Variants in TICRR observed in about 807,000 individuals in gnomAD.
TICRR encodes treslin.
In TICRR, 132 loss-of-function variants were observed where a neutral mutation model predicts 178.1. The observed-to-expected ratio is 0.74, with a 90% CI of 0.64 to 0.86. The LOEUF (loss-of-function observed/expected upper bound fraction) is 0.86, where lower values mean the gene tolerates loss of function less well. Among genes scored for constraint, TICRR ranks in the 40% least tolerant of loss-of-function variants. The probability of loss-of-function intolerance (pLI) is 0.00; values close to 1 mark genes in which losing one functional copy is unlikely to be tolerated. For synonymous variants in TICRR, 991 were observed against 900.7 expected (o/e 1.10, Z -1.79); for missense variants, 2,587 against 2,334.3 (o/e 1.11, Z -2.23).
At chr15:89,593,549 C>T (rs759868252) in intron 5 of TICRR, among the ~76,000 whole-genome samples, 8 of 152,016 alleles carry the variant, frequency 5.3e-5, no homozygotes, top group Non-Finnish European at 1.0e-4. Flanking sequence ...ACTAAAAATA[C>T]AAAAAAATTA....
In TICRR at chr15:89,579,584, G is replaced by T. The variant is rs1962686663; in HGVS notation, c.655-3102G>T. Among the ~76,000 whole-genome samples the T allele has an allele frequency of 2.0e-5, 3 of 152,082 alleles. 1 individual carries two copies. The South Asian group carries it at 6.2e-4, about 32-fold the overall frequency. ...TCGTCTCGAACTCCTGGCCTCAAGTGATCCACCCACCTCGGCCTCCCAAAG... is the reference window on the plus strand; with the variant it reads ...TCGTCTCGAACTCCTGGCCTCAAGTTATCCACCCACCTCGGCCTCCCAAAG... On this transcript the variant is annotated intron_variant, in intron 1 of 21. Transcript: ENST00000268138.
intron 1 of TICRR, among the ~76,000 whole-genome samples, chr15:89,577,599 CTTTTTTTTTTTTTTTTT>C (rs71151513): frequency 1.6e-5 from 1 of 60,874 alleles, no homozygotes; most frequent in East Asian, 6.8e-4. Context: ...GAGGGAAGGC[CTTTTTTTTTTTTTTTTT>C]TTTTTTTTTT....
At chr15:89,603,891 A>G (rs781073850) in intron 13 of TICRR, among the ~76,000 whole-genome samples, 6 of 152,236 alleles carry the variant, frequency 3.9e-5, no homozygotes, top group Non-Finnish European at 7.3e-5. Context: ...CTCTCAAAAT[A>G]TCTTATTGTA....
At chr15:89,586,242 C>G (rs931724830) in intron 4 of TICRR, among the ~76,000 whole-genome samples, 7 of 152,136 alleles carry the variant, frequency 4.6e-5, no homozygotes, top group Admixed American at 2.6e-4. Flanking sequence ...ATTGTTACTA[C>G]TAGCATTGCA....
intron 13 of TICRR, among the ~76,000 whole-genome samples, chr15:89,603,872 G>A (rs571193293): frequency 6.6e-6 from 1 of 152,304 alleles, no homozygotes; most frequent in Non-Finnish European, 1.5e-5. Context: ...TTATGTGAAT[G>A]TGGTCTTCCT....
At chr15:89,583,265 C>T (rs944797418) in intron 2 of TICRR, among the ~76,000 whole-genome samples, 7 of 152,140 alleles carry the variant, frequency 4.6e-5, no homozygotes, top group Non-Finnish European at 7.3e-5. Context: ...CATGGGTATA[C>T]GATTTCATTG....
intron 15 of TICRR, among the ~76,000 whole-genome samples, chr15:89,613,259 C>T (rs1963280988): frequency 6.6e-6 from 1 of 152,214 alleles, no homozygotes. Context: ...TGTCATCACA[C>T]TGCCTTTTGT....
chr15:89,605,106 A>G (rs1227598005), intron 13 of TICRR, among the ~76,000 whole-genome samples: 1 of 152,148 alleles, frequency 6.6e-6, no homozygotes, highest in Non-Finnish European at 1.5e-5. Context: ...TTTTTCATTC[A>G]ATTACATGGA....
chr15:89,625,776 G>GT lies in TICRR; in HGVS notation c.5469dup (p.Val1824CysfsTer46), dbSNP rs1340503895. On this transcript the variant is annotated frameshift_variant, in exon 20 of 22. Coordinates refer to ENST00000268138, the MANE Select transcript of TICRR (RefSeq NM_152259.4). LOFTEE classifies it high-confidence loss of function. ...TACCCTCCACGGGAGACGAAGAGGTGTTTGTTTCCGGTGAGTTCGTTTTTG... is the reference window on the plus strand; with the variant it reads ...TACCCTCCACGGGAGACGAAGAGGTGTTTTGTTTCCGGTGAGTTCGTTTTTG... 6.2e-7 allele frequency: 1 copy of GT among 1,601,450 alleles called. No individual in the cohort carries two copies.
chr15:89,615,662 C>T (rs963320476), intron 15 of TICRR, among the ~76,000 whole-genome samples: 3 of 152,146 alleles, frequency 2.0e-5, no homozygotes, highest in Non-Finnish European at 4.4e-5. Context: ...ATTTTAAGCT[C>T]ACTTTAAATC....
intron 4 of TICRR, among the ~76,000 whole-genome samples, chr15:89,586,185 G>T (rs1567041061): frequency 6.6e-6 from 1 of 152,090 alleles, no homozygotes; most frequent in Non-Finnish European, 1.5e-5. Context: ...ATATATTTAA[G>T]AAATACTGCA....
chr15:89,595,126 T>G (rs1053056679), intron 6 of TICRR, among the ~76,000 whole-genome samples: 1 of 152,210 alleles, frequency 6.6e-6, no homozygotes, highest in Non-Finnish European at 1.5e-5. Context: ...GTTTGGCATT[T>G]GCCTTATGGG....
rs754495438 is a variant in TICRR at position 89,576,253 on chromosome 15, A to G, written c.654+13A>G. ...CGAATGGTCTAAGGTAAGGAAGGTT[A>G]CTGTCGTCTCAGATGGCGTGCACGG... On this transcript the variant is annotated intron_variant, in intron 1 of 21. Coordinates refer to ENST00000268138, the MANE Select transcript of TICRR (RefSeq NM_152259.4). 3.9e-6 allele frequency: 6 copies of G among 1,531,442 alleles called. No homozygotes were observed. The East Asian group carries it at 6.8e-5, about 17-fold the overall frequency. 94.9% of individuals were successfully genotyped at this position (1,531,442 alleles called of 1,614,324 possible).
In TICRR at chr15:89,624,097, A is replaced by G. The variant is rs988567981; in HGVS notation, c.3787A>G (p.Asn1263Asp). The G allele has an allele frequency of 3.7e-6, 6 of 1,613,870 alleles. No homozygotes were observed. Among genetic ancestry groups the G allele is most frequent in the African/African-American group, 1.3e-5 (1 of 74,944 alleles). ...AGCAGCCTTCATGGGCACGCCTCAG[A>G]ATCAAACACACCAACAGCCCCATGT... ...RAAAFMGTPQ[N>D]QTHQQPHVLR... Residue 1263 changes from asparagine to aspartate, a missense_variant, in exon 20 of 22, where the codon AAT (asparagine) becomes GAT (aspartate). Transcript: ENST00000268138.
At chr15:89,590,198 T>C in intron 4 of TICRR, among the ~76,000 whole-genome samples, 1 of 151,734 alleles carries the variant, frequency 6.6e-6, no homozygotes, top group East Asian at 1.9e-4. Flanking sequence ...AGGAGAAGAA[T>C]ACGGGTTGAA....
At position 89,625,723 on chromosome 15, in the gene TICRR, G is replaced by A. The variant is rs139498934; in HGVS notation, c.5413G>A (p.Gly1805Arg). ...TTCAGAAGTTAGTAAGAGTAAAGAG[G>A]GGTCTCCAAGTTGGAGTGCATGGCA... ...EDSEVSKSKE[G>R]SPSWSAWQLP... is the part of the protein sequence containing the mutation. Residue 1805 changes from glycine to arginine, a missense_variant, in exon 20 of 22, where the codon GGG becomes AGG. Physicochemically the swap from Gly to Arg is moderately radical, Grantham distance 125. Coordinates refer to ENST00000268138, the MANE Select transcript of TICRR (RefSeq NM_152259.4). The A allele has an allele frequency of 1.1e-5, 18 of 1,613,232 alleles. No individual in the cohort carries two copies. In the East Asian group the frequency reaches 4.0e-4, roughly 36 times the overall value.
At position 89,624,864 on chromosome 15, in the gene TICRR, T is replaced by A; in HGVS notation, c.4554T>A (p.Pro1518=). The A allele has an allele frequency of 6.2e-7, 1 of 1,614,016 alleles. No homozygotes were observed. Among genetic ancestry groups the A allele is most frequent in the South Asian group, 1.1e-5 (1 of 91,084 alleles). The change falls in exon 20 of 22, where the codon CCT becomes CCA. Residue 1518 remains proline (P), a synonymous_variant. Transcript: ENST00000268138. ...CTCCTTCCTGTGGGCCTGGCTCTCC[T>A]CTGATGCCTTCCCGTGACGTGCACT... The part of the protein sequence containing the change: ...PSPPSCGPGS[P]LMPSRDVHCT...
At position 89,619,883 on chromosome 15, in the gene TICRR, C is replaced by T. The variant is rs368700921; in HGVS notation, c.3154+41C>T. 4 of 1,559,436 alleles carry T rather than the reference C, an allele frequency of 2.6e-6. No individual in the cohort carries two copies. In the African/African-American group the frequency reaches 4.2e-5, roughly 16 times the overall value. On this transcript the variant is annotated intron_variant, in intron 18 of 21. Transcript: ENST00000268138. ...CTCTGCCTTCACAAGTCCGTGCTGA[C>T]TTGGTGAGAAGTGTTTTTGGGAAAA...
intron 13 of TICRR, among the ~76,000 whole-genome samples, chr15:89,604,491 C>T (rs935737639): frequency 6.6e-6 from 1 of 152,200 alleles, no homozygotes; most frequent in Non-Finnish European, 1.5e-5. Context: ...TCAGAATTAA[C>T]GCCTGGGCGC....
Sources: allele counts gnomAD v4.1 joint callset (sites outside exome capture counted in the v4.1 genomes callset), GRCh38; gene constraint gnomAD v4.1.1; transcripts MANE v1.5; gene names NCBI Gene and HGNC (gene_info 2026-07-23, HGNC 2026-07-21).